The following RBMS3 variants were observed in gnomAD, a reference collection of about 807,000 sequenced individuals.
The protein encoded by RBMS3 is RNA binding motif single stranded interacting protein 3.
A neutral mutation model predicts 66.8 loss-of-function variants in RBMS3; 27 were observed. That is an observed-to-expected ratio of 0.40 (90% CI 0.30 to 0.56). The LOEUF (loss-of-function observed/expected upper bound fraction) is 0.56. RBMS3 is among the 20% of genes least tolerant of loss of function. The probability of loss-of-function intolerance (pLI) is 0.40; values close to 1 mark genes in which losing one functional copy is unlikely to be tolerated. For synonymous variants in RBMS3, 188 were observed against 183.0 expected, an observed-to-expected ratio of 1.03 and a Z score of -0.22; for missense variants, 513 against 549.5, an observed-to-expected ratio of 0.93 and a Z score of 0.66.
intron 4 of RBMS3, among the ~76,000 whole-genome samples, chr3:29,691,947 C>CTCTCTCTCTCTTTTTTTTTTTT (rs1218393454): frequency 1.5e-4 from 8 of 53,534 alleles, no homozygotes; most frequent in Non-Finnish European, 2.7e-4. Flanking sequence ...CTCTCTCTCT[C>CTCTCTCTCTCTTTTTTTTTTTT]TATTTTTTTT....
At chr3:29,507,884 T>A (rs1420689660) in intron 3 of RBMS3, among the ~76,000 whole-genome samples, 1 of 152,172 alleles carries the variant, frequency 6.6e-6, no homozygotes, top group East Asian at 1.9e-4. Flanking sequence ...TCATTATATG[T>A]TTAAAAAATT....
intron 4 of RBMS3, among the ~76,000 whole-genome samples, chr3:29,700,789 G>C (rs1009686935): frequency 9.2e-5 from 14 of 151,488 alleles, no homozygotes; most frequent in Non-Finnish European, 1.6e-4. Flanking sequence ...AAGGATAGAG[G>C]AATTTAAAAA....
intron 10 of RBMS3, among the ~76,000 whole-genome samples, chr3:29,931,907 T>C (rs2061138075): frequency 6.6e-6 from 1 of 152,224 alleles, no homozygotes; most frequent in Admixed American, 6.5e-5. Flanking sequence ...AAAATTCATA[T>C]ATAGTTTTGT....
chr3:29,882,543 TC>T (rs2059760909), intron 7 of RBMS3, among the ~76,000 whole-genome samples: 1 of 152,080 alleles, frequency 6.6e-6, no homozygotes, highest in Non-Finnish European at 1.5e-5. Flanking sequence ...TTATGTATGC[TC>T]CCTTTATACC....
intron 4 of RBMS3, among the ~76,000 whole-genome samples, chr3:29,650,544 C>T (rs1355022645): frequency 3.9e-4 from 60 of 152,236 alleles, no homozygotes; most frequent in Admixed American, 3.9e-3. Context: ...CCTCCTGCCT[C>T]GGCCCTCCAA....
intron 4 of RBMS3, among the ~76,000 whole-genome samples, chr3:29,626,876 A>G (rs1490316570): frequency 1.3e-5 from 2 of 152,176 alleles, no homozygotes; most frequent in Non-Finnish European, 2.9e-5. Context: ...GTTTCTTTAC[A>G]TGTCCAAATG....
At chr3:29,907,205 T>C (rs1321803899) in intron 10 of RBMS3, among the ~76,000 whole-genome samples, 1 of 152,164 alleles carries the variant, frequency 6.6e-6, no homozygotes, top group African/African-American at 2.4e-5. Flanking sequence ...CCTTTTCTTC[T>C]ATCTCATATA....
intron 4 of RBMS3, among the ~76,000 whole-genome samples, chr3:29,697,773 C>T (rs763910510): frequency 3.9e-5 from 6 of 152,036 alleles, no homozygotes; most frequent in Admixed American, 1.3e-4. Context: ...AACAAAGTTG[C>T]GACTGTTTTT....
intron 6 of RBMS3, among the ~76,000 whole-genome samples, chr3:29,858,429 G>A (rs2059133995): frequency 6.6e-6 from 1 of 152,166 alleles, no homozygotes; most frequent in Non-Finnish European, 1.5e-5. Flanking sequence ...GTTCATCCTG[G>A]TCAATAAATA....
At chr3:29,520,532 A>G (rs549645705) in intron 3 of RBMS3, among the ~76,000 whole-genome samples, 15 of 152,186 alleles carry the variant, frequency 9.9e-5, no homozygotes, top group East Asian at 1.9e-4. Flanking sequence ...TAGAAAGTGA[A>G]CAAAAGTTGT....
chr3:29,314,214 G>A (rs963083167), intron 1 of RBMS3, among the ~76,000 whole-genome samples: 2 of 151,718 alleles, frequency 1.3e-5, no homozygotes, highest in African/African-American at 4.8e-5. Context: ...TATCCTACAA[G>A]TTTAGATGTA....
chr3:29,319,472 A>G (rs2034883686), intron 1 of RBMS3, among the ~76,000 whole-genome samples: 1 of 151,952 alleles, frequency 6.6e-6, no homozygotes, highest in Non-Finnish European at 1.5e-5. Context: ...GTTTGACTGT[A>G]TAGAAAAAGA....
At chr3:29,961,812 A>G (rs13069090) in intron 12 of RBMS3, among the ~76,000 whole-genome samples, 49,548 of 151,078 alleles carry the variant, frequency 0.33, 9,069 homozygotes, top group African/African-American at 0.49. Context: ...ACAACATGTG[A>G]GGATTATGGG....
At position 29,840,838 on chromosome 3, in the gene RBMS3, G is replaced by A. The variant is rs150428653; in HGVS notation, c.638-28020G>A. On this transcript the variant is annotated intron_variant, in intron 6 of 14. Transcript: ENST00000383767. ...ATGAATGTCCCTATAAAATATATTT[G>A]CTCCCATGCATGGATTTATGTATAT... is the stretch of plus-strand genomic sequence containing the variant. Among the ~76,000 whole-genome samples the A allele has an allele frequency of 1.7e-3, 262 of 151,586 alleles. 1 individual carries two copies. The highest frequency in any genetic ancestry group is 5.9e-3 in the African/African-American group (245 of 41,352).
chr3:30,004,028 A>G lies in RBMS3; in HGVS notation c.*166A>G. On this transcript the variant is annotated 3_prime_UTR_variant, in exon 15 of 15. Coordinates refer to ENST00000383767, the MANE Select transcript of RBMS3 (RefSeq NM_001003793.3). ...CTTACCCAATGAAAGCAAAGTTTTTATGTGCTGTGCAAATGGTCTTCATGT... is the reference window on the plus strand; with the variant it reads ...CTTACCCAATGAAAGCAAAGTTTTTGTGTGCTGTGCAAATGGTCTTCATGT... The G allele has an allele frequency of 2.3e-6, 1 of 440,990 alleles. No individual in the cohort carries two copies. The highest frequency in any genetic ancestry group is 3.6e-5 in the East Asian group (1 of 28,044). The allele number at this position is 440,990 out of a possible 1,614,324, so 27.3% of individuals were successfully genotyped here. A position where few individuals can be genotyped will look rare whatever the true frequency, so the allele number is the denominator to read the frequency against.
At chr3:29,974,379 A>G (rs1697418225) in intron 12 of RBMS3, among the ~76,000 whole-genome samples, 1 of 151,972 alleles carries the variant, frequency 6.6e-6, no homozygotes, top group African/African-American at 2.4e-5. Flanking sequence ...TTGAATGAAT[A>G]AATTGCCCCT....
At chr3:29,376,739 C>T (rs1454411329) in intron 1 of RBMS3, among the ~76,000 whole-genome samples, 1 of 152,162 alleles carries the variant, frequency 6.6e-6, no homozygotes, top group Non-Finnish European at 1.5e-5. Context: ...AACCCCATCT[C>T]TACTAAAAAT....
chr3:29,412,406 T>G (rs1251028719), intron 1 of RBMS3, among the ~76,000 whole-genome samples: 1 of 152,154 alleles, frequency 6.6e-6, no homozygotes, highest in Non-Finnish European at 1.5e-5. Flanking sequence ...AGTTCCCTTT[T>G]TTGTTCTTAC....
chr3:29,431,296 C>T (rs146542940), intron 1 of RBMS3, among the ~76,000 whole-genome samples: 26,816 of 93,652 alleles, frequency 0.29, 3,109 homozygotes, highest in Non-Finnish European at 0.34. Context: ...TTTCTTTTTC[C>T]TTTTCTTTTT....
Sources: gnomAD v4.1 joint callset for allele counts (sites outside exome capture counted in the v4.1 genomes callset) on GRCh38, gnomAD v4.1.1 for gene constraint, MANE v1.5 for transcripts, NCBI Gene and HGNC (gene_info 2026-07-23, HGNC 2026-07-21) for gene names.